SLC9A7: variants seen among roughly 807,000 people sequenced by gnomAD.
SLC9A7 encodes solute carrier family 9 member A7.
Under a neutral mutation model 52.6 loss-of-function variants are expected in SLC9A7, and 19 were observed. The ratio of observed to expected loss-of-function variants is 0.36; its 90% confidence interval spans 0.25 to 0.53. The LOEUF is 0.53. Among genes scored for constraint, SLC9A7 ranks in the 20% least tolerant of loss-of-function variants. SLC9A7 has a pLI of 0.91. For synonymous variants in SLC9A7, 226 were observed against 252.1 expected, an observed-to-expected ratio of 0.90 and a Z score of 0.98; for missense variants, 455 against 597.9, an observed-to-expected ratio of 0.76 and a Z score of 2.49.
intron 1 of SLC9A7, among the ~76,000 whole-genome samples, chrX:46,718,262 G>A (rs1944802604): frequency 8.9e-6 from 1 of 111,754 alleles, no homozygotes; most frequent in African/African-American, 3.3e-5. Context: ...AGCTGAAACT[G>A]GATCCCTTCC....
chrX:46,734,624 T>C (rs1426267175), intron 1 of SLC9A7, among the ~76,000 whole-genome samples: 3 of 111,738 alleles, frequency 2.7e-5, no homozygotes, highest in Non-Finnish European at 3.8e-5. Flanking sequence ...TGATGAGTTA[T>C]TAAGGATCTG....
intron 1 of SLC9A7, among the ~76,000 whole-genome samples, chrX:46,757,032 A>C (rs1373613501): frequency 8.9e-6 from 1 of 112,198 alleles, no homozygotes; most frequent in Non-Finnish European, 1.9e-5. Flanking sequence ...GAATCTGACA[A>C]ATCTACCTCC....
At chrX:46,686,413 G>T (rs1306594896) in intron 1 of SLC9A7, among the ~76,000 whole-genome samples, 1 of 112,077 alleles carries the variant, frequency 8.9e-6, no homozygotes, top group Admixed American at 9.5e-5. Context: ...TCCATGGCAT[G>T]ATATTAAGTT....
At chrX:46,756,004 T>TTA (rs1191631929) in intron 1 of SLC9A7, among the ~76,000 whole-genome samples, 5 of 108,660 alleles carry the variant, frequency 4.6e-5, no homozygotes, top group South Asian at 3.9e-4. Flanking sequence ...ATATATAAAT[T>TTA]TATATATATA....
chrX:46,616,816 G>A (rs1053730500), intron 15 of SLC9A7, among the ~76,000 whole-genome samples: 1 of 111,494 alleles, frequency 9.0e-6, no homozygotes, highest in Non-Finnish European at 1.9e-5. Flanking sequence ...TTGTCGATGA[G>A]AAGTCTGATT....
intron 1 of SLC9A7, chrX:46,725,665 T>C (rs1277576906): frequency 3.4e-6 from 4 of 1,187,117 alleles, no homozygotes; most frequent in African/African-American, 1.8e-5. Flanking sequence ...CCCTCTCTCA[T>C]CTTCTTGATC....
chrX:46,638,953 T>A (rs1351648572), intron 12 of SLC9A7, among the ~76,000 whole-genome samples: 4 of 112,134 alleles, frequency 3.6e-5, no homozygotes, highest in Admixed American at 2.8e-4. Flanking sequence ...GACATAAAAA[T>A]CCTTAACAAA....
At chrX:46,648,565 G>A (rs1419742349) in intron 11 of SLC9A7, 121 bp downstream of exon 11, 1 of 525,618 alleles carries the variant, frequency 1.9e-6, no homozygotes, top group Non-Finnish European at 3.2e-6. Context: ...CACTGCAGGG[G>A]ATACAAACGG....
chrX:46,723,649 C>T (rs187952046), intron 1 of SLC9A7, among the ~76,000 whole-genome samples: 18 of 111,617 alleles, frequency 1.6e-4, no homozygotes, highest in Non-Finnish European at 7.5e-5. Context: ...AGGACTTCCT[C>T]GGTATGTAGG....
chrX:46,749,416 A>G (rs1430137407), intron 1 of SLC9A7, among the ~76,000 whole-genome samples: 2 of 111,492 alleles, frequency 1.8e-5, no homozygotes, highest in Non-Finnish European at 3.8e-5. Flanking sequence ...GCCCATCACA[A>G]CTAGCATAGA....
intron 1 of SLC9A7, among the ~76,000 whole-genome samples, chrX:46,750,486 A>G (rs1186436206): frequency 8.9e-6 from 1 of 111,809 alleles, no homozygotes; most frequent in Non-Finnish European, 1.9e-5. Flanking sequence ...AGTAGCTGAG[A>G]CTACAGGGAC....
chrX:46,740,180 A>T (rs1921237346), intron 1 of SLC9A7, among the ~76,000 whole-genome samples: 1 of 111,966 alleles, frequency 8.9e-6, no homozygotes, highest in Non-Finnish European at 1.9e-5. Flanking sequence ...GTATATGGGG[A>T]TTACAATAAC....
intron 1 of SLC9A7, among the ~76,000 whole-genome samples, chrX:46,753,810 C>A (rs782240400): frequency 9.1e-6 from 1 of 109,496 alleles, no homozygotes; most frequent in African/African-American, 3.3e-5. Flanking sequence ...GGTGAAACCC[C>A]GTCTCTACTA....
intron 5 of SLC9A7, among the ~76,000 whole-genome samples, chrX:46,665,536 C>T (rs556292371): frequency 6.3e-5 from 5 of 78,800 alleles, no homozygotes; most frequent in African/African-American, 2.8e-4. Context: ...CCAGCCTGGG[C>T]GACAGAGTAA....
intron 12 of SLC9A7, among the ~76,000 whole-genome samples, chrX:46,637,090 A>G (rs2146741742): frequency 8.9e-6 from 1 of 112,429 alleles, no homozygotes; most frequent in African/African-American, 3.2e-5. Context: ...AACAGCTAAA[A>G]TATACTAAGT....
At chrX:46,639,383 G>A (rs757416296) in intron 12 of SLC9A7, among the ~76,000 whole-genome samples, 2 of 106,780 alleles carry the variant, frequency 1.9e-5, no homozygotes, top group Non-Finnish European at 3.8e-5. Flanking sequence ...CTGGGTTCAC[G>A]CCATTCTCCC....
chrX:46,654,774 A>C (rs1266906175), intron 7 of SLC9A7, among the ~76,000 whole-genome samples: 1 of 111,097 alleles, frequency 9.0e-6, no homozygotes, highest in Non-Finnish European at 1.9e-5. Flanking sequence ...GCCATTCAAC[A>C]CACGGCCAGC....
chrX:46,739,022 T>A (rs1318643978), intron 1 of SLC9A7, among the ~76,000 whole-genome samples: 2 of 111,574 alleles, frequency 1.8e-5, no homozygotes, highest in African/African-American at 6.5e-5. Flanking sequence ...TCCTTCTATC[T>A]CCATATCTAC....
intron 7 of SLC9A7, among the ~76,000 whole-genome samples, chrX:46,656,221 T>C (rs1187336337): frequency 3.8e-4 from 42 of 111,118 alleles, no homozygotes; most frequent in Admixed American, 1.7e-3. Context: ...AACCCATCTG[T>C]ACATCACCAT....
Sources: gnomAD v4.1 joint callset for allele counts (sites outside exome capture counted in the v4.1 genomes callset) on GRCh38, gnomAD v4.1.1 for gene constraint, MANE v1.5 for transcripts, NCBI Gene and HGNC (gene_info 2026-07-23, HGNC 2026-07-21) for gene names.